ADAMTS9: variants seen among roughly 807,000 people sequenced by gnomAD.
ADAMTS9 encodes ADAM metallopeptidase with thrombospondin type 1 motif 9.
A neutral mutation model predicts 257.1 loss-of-function variants in ADAMTS9; 107 were observed. The observed-to-expected ratio is 0.42, with a 90% CI of 0.36 to 0.49. The LOEUF (loss-of-function observed/expected upper bound fraction) is 0.49, where lower values mean the gene tolerates loss of function less well. Ranked by LOEUF, ADAMTS9 falls within the 20% of genes least tolerant of loss-of-function variation. The probability of loss-of-function intolerance (pLI) is 0.03; values close to 1 mark genes in which losing one functional copy is unlikely to be tolerated. For missense variants in ADAMTS9, 2,353 were observed against 2,469.1 expected (o/e 0.95, Z 1.00); for synonymous variants, 982 against 880.9 (o/e 1.11, Z -2.03).
intron 2 of ADAMTS9, chr3:64,685,163 A>G (rs1701866044): frequency 6.6e-6 from 1 of 152,232 alleles, no homozygotes; most frequent in African/African-American, 2.4e-5. Context: ...TGGGGGCTAA[A>G]GGGGTTTATC....
intron 37 of ADAMTS9, among the ~76,000 whole-genome samples, chr3:64,533,895 G>C (rs1010280594): frequency 6.6e-6 from 1 of 152,182 alleles, no homozygotes; most frequent in Admixed American, 6.5e-5. Flanking sequence ...TCCCCTCCGA[G>C]GGTGCCTTTC....
rs547867482 is a variant in ADAMTS9, at chr3:64,687,619, C to A, written c.39G>T (p.Leu13=). The change falls in exon 1 of 40, where the codon CTG becomes CTT. Residue 13 remains leucine (L), a synonymous_variant. Coordinates refer to ENST00000498707, the MANE Select transcript of ADAMTS9 (RefSeq NM_182920.2). The surrounding 1 kb of genome is among the most constrained non-coding windows in gnomAD (Gnocchi z 4.4). ...FVSWATLLTL[L]VRDLAEMGSP... is the part of the protein sequence containing the mutation. ...TCCCCATCTCGGCCAGGTCCCGCAC[C>A]AGGAGCGTTAGCAGTGTGGCCCAGG... 1,746 of 1,586,286 alleles carry A rather than the reference C, an allele frequency of 1.1e-3. 45 individuals are homozygous for A. The South Asian group carries it at 0.017, about 16-fold the overall frequency.
intron 2 of ADAMTS9, among the ~76,000 whole-genome samples, chr3:64,685,531 G>C (rs1481413377): frequency 6.6e-6 from 1 of 152,202 alleles, no homozygotes; most frequent in African/African-American, 2.4e-5. Context: ...GGAAAGTCAA[G>C]GACCACCCTT....
intron 28 of ADAMTS9, among the ~76,000 whole-genome samples, chr3:64,575,636 C>T (rs2083822097): frequency 6.6e-6 from 1 of 152,106 alleles, no homozygotes; most frequent in Admixed American, 6.6e-5. Flanking sequence ...GTTTGAGAGT[C>T]AGACAGGCCT....
chr3:64,681,713 T>C (rs1432904829), intron 2 of ADAMTS9, among the ~76,000 whole-genome samples: 1 of 152,116 alleles, frequency 6.6e-6, no homozygotes, highest in Non-Finnish European at 1.5e-5. Context: ...CCAGCTAAGT[T>C]TTTTACTTTT....
intron 3 of ADAMTS9, among the ~76,000 whole-genome samples, chr3:64,659,112 C>G (rs1008707947): frequency 6.6e-6 from 1 of 152,182 alleles, no homozygotes; most frequent in African/African-American, 2.4e-5. Context: ...AGGAATCTCA[C>G]GCTCACTGTT....
intron 21 of ADAMTS9, 33 bp downstream of exon 21, chr3:64,615,288 G>T: frequency 6.2e-7 from 1 of 1,606,326 alleles, no homozygotes; most frequent in Non-Finnish European, 8.5e-7. Context: ...TGTAAGAGAT[G>T]ACCTAGGGGA....
intron 18 of ADAMTS9, 83 bp from the exon 19 acceptor site, chr3:64,621,323 C>T (rs1700098420): frequency 7.0e-7 from 1 of 1,436,958 alleles, no homozygotes; most frequent in Admixed American, 2.1e-5. Flanking sequence ...CAAGCATTTT[C>T]TCTAAAGAGC....
intron 37 of ADAMTS9, among the ~76,000 whole-genome samples, chr3:64,535,547 CTTTTCT>C (rs1348210273): frequency 4.2e-3 from 499 of 119,776 alleles, no homozygotes; most frequent in African/African-American, 0.014. Context: ...CTTTTCTTTT[CTTTTCT>C]TTTTTTTTTT....
chr3:64,606,964 G>T lies in ADAMTS9; in HGVS notation c.3470C>A (p.Thr1157Asn), dbSNP rs766572588. ...DCNAATRPTD[T>N]QDCELPSCHP... The stretch of plus-strand genomic sequence containing the variant: ...AGTTGGACAAAGGAAACTTACCTGG[G>T]TATCAGTTGGTCTAGTTGCTGCATT... Residue 1157 changes from threonine to asparagine, a missense_variant, in exon 23 of 40, where the codon ACC becomes AAC. Thr to Asn is a moderately conservative substitution (Grantham distance 65). Around this residue, in one of 3 missense-constraint regions of ADAMTS9, gnomAD observed 1,402 missense variants for 1,441.4 expected, o/e 0.97. Transcript: ENST00000498707. 4.3e-6 allele frequency: 7 copies of T among 1,613,638 alleles called. No homozygotes were observed. In the Admixed American group the frequency reaches 5.0e-5, roughly 12 times the overall value.
At chr3:64,520,041 A>G (rs1053319866) in intron 39 of ADAMTS9, among the ~76,000 whole-genome samples, 1 of 152,180 alleles carries the variant, frequency 6.6e-6, no homozygotes, top group Non-Finnish European at 1.5e-5. Context: ...ATACAAAGAA[A>G]ACCCTAAATA....
At chr3:64,631,365 T>TC (rs1700363142) in intron 16 of ADAMTS9, 90 bp downstream of exon 16, 2 of 1,014,440 alleles carry the variant, frequency 2.0e-6, no homozygotes, top group African/African-American at 3.2e-5. Context: ...CTGAAAGCTC[T>TC]GCCTCTGCAT....
intron 27 of ADAMTS9, 49 bp downstream of exon 27, chr3:64,596,781 T>A: frequency 6.2e-7 from 1 of 1,602,068 alleles, no homozygotes; most frequent in Non-Finnish European, 8.5e-7. Context: ...TAAATACAGT[T>A]TGGTTAACAC....
At chr3:64,560,050 T>C (rs970144765) in intron 30 of ADAMTS9, among the ~76,000 whole-genome samples, 3 of 152,128 alleles carry the variant, frequency 2.0e-5, no homozygotes, top group Non-Finnish European at 2.9e-5. Flanking sequence ...CAAACCATAA[T>C]AGATAACACT....
rs956559514 is a variant in ADAMTS9 at position 64,655,617 on chromosome 3, A to C, written c.1128T>G (p.Ser376Arg). 1 of 1,614,008 alleles carries C rather than the reference A, an allele frequency of 6.2e-7. No individual in the cohort carries two copies. Among genetic ancestry groups the C allele is most frequent in the African/African-American group, 1.3e-5 (1 of 74,922 alleles). Residue 376 changes from serine (S) to arginine (R), a missense_variant, in exon 6 of 40, where the codon AGT (serine) becomes AGG (arginine). Ser to Arg is a moderately radical substitution (Grantham distance 110). This residue lies in a region of ADAMTS9 where 591 missense variants were observed against 569.6 expected (regional missense o/e 1.04). Coordinates refer to ENST00000498707, the MANE Select transcript of ADAMTS9 (RefSeq NM_182920.2). The part of the protein sequence containing the change: ...NFCQWQHSKN[S>R]PGGIHHDTAV... ...CAGTATCATGATGGATTCCACCTGG[A>C]CTGTTCTTCGAATGCTGCCACTGGC...
At chr3:64,530,435 C>T (rs1252948759) in intron 38 of ADAMTS9, among the ~76,000 whole-genome samples, 1 of 151,392 alleles carries the variant, frequency 6.6e-6, no homozygotes, top group Non-Finnish European at 1.5e-5. Flanking sequence ...GGCTCAGTCC[C>T]AGCTCCCAGA....
At chr3:64,605,075 T>C (rs1222347681) in intron 23 of ADAMTS9, among the ~76,000 whole-genome samples, 1 of 152,240 alleles carries the variant, frequency 6.6e-6, no homozygotes, top group Non-Finnish European at 1.5e-5. Context: ...CACATATGAC[T>C]GAGACATCTT....
At chr3:64,627,773 C>T (rs1208832481) in intron 16 of ADAMTS9, among the ~76,000 whole-genome samples, 3 of 152,106 alleles carry the variant, frequency 2.0e-5, no homozygotes, top group African/African-American at 7.2e-5. Flanking sequence ...AAATTCCTCC[C>T]TCCTAGAATA....
intron 30 of ADAMTS9, among the ~76,000 whole-genome samples, chr3:64,554,216 C>G (rs17071023): frequency 0.038 from 5,748 of 152,286 alleles, 180 homozygotes; most frequent in East Asian, 0.11. Flanking sequence ...GCGTTTCTCT[C>G]TCAGTCTTAA....
Sources: allele counts gnomAD v4.1 joint callset (sites outside exome capture counted in the v4.1 genomes callset), GRCh38; gene constraint gnomAD v4.1.1; regional missense constraint gnomAD v4.1.1; non-coding constraint Gnocchi (gnomAD v3.1); transcripts MANE v1.5; gene names NCBI Gene and HGNC (gene_info 2026-07-23, HGNC 2026-07-21).